Variants in CTNNA2 observed in about 807,000 individuals in gnomAD.
CTNNA2 encodes the protein catenin alpha-2.
In CTNNA2, 42 loss-of-function variants were observed where a neutral mutation model predicts 101.0. That is an observed-to-expected ratio of 0.42 (90% CI 0.32 to 0.54). The LOEUF (loss-of-function observed/expected upper bound fraction) is 0.54. Ranked by LOEUF, CTNNA2 falls within the 20% of genes least tolerant of loss-of-function variation. The probability of loss-of-function intolerance (pLI) is 0.14; values close to 1 mark genes in which losing one functional copy is unlikely to be tolerated. For missense variants in CTNNA2, 871 were observed against 1,223.1 expected (o/e 0.71, Z 4.29); for synonymous variants, 450 against 456.4 (o/e 0.99, Z 0.18).
intron 8 of CTNNA2, among the ~76,000 whole-genome samples, 165 bp from the exon 9 acceptor site, chr2:80,419,284 G>A (rs1306487968): frequency 1.3e-5 from 2 of 152,082 alleles, no homozygotes; most frequent in African/African-American, 4.8e-5. Context: ...GCTTCCATCA[G>A]TCATTGGTTT....
chr2:80,097,796 A>T (rs1258998049), intron 7 of CTNNA2, among the ~76,000 whole-genome samples: 1 of 152,104 alleles, frequency 6.6e-6, no homozygotes, highest in East Asian at 1.9e-4. Context: ...AGTTGATCGC[A>T]TTGCCTACTG....
intron 2 of CTNNA2, among the ~76,000 whole-genome samples, chr2:79,735,197 C>G (rs1186439647): frequency 1.3e-5 from 2 of 152,244 alleles, no homozygotes; most frequent in East Asian, 1.9e-4. Context: ...TGGAGCTTAT[C>G]TGTGCTGCTA....
intron 3 of CTNNA2, among the ~76,000 whole-genome samples, chr2:79,823,017 C>A (rs1040578645): frequency 2.0e-5 from 3 of 152,138 alleles, no homozygotes; most frequent in Admixed American, 1.3e-4. Flanking sequence ...TTTTTCTCTT[C>A]ATCTTTTAGA....
At chr2:79,717,555 G>A (rs1224489971) in intron 2 of CTNNA2, among the ~76,000 whole-genome samples, 1 of 152,244 alleles carries the variant, frequency 6.6e-6, no homozygotes, top group East Asian at 1.9e-4. Context: ...GCTGGAGCTT[G>A]ACCCGATCAT....
intron 1 of CTNNA2, among the ~76,000 whole-genome samples, chr2:79,594,096 C>A (rs1404092700): frequency 6.6e-6 from 1 of 151,966 alleles, no homozygotes; most frequent in Non-Finnish European, 1.5e-5. Context: ...ACCATGTTGG[C>A]CAGGCTGGTC....
intron 7 of CTNNA2, among the ~76,000 whole-genome samples, chr2:79,971,792 G>T (rs1690503181): frequency 6.6e-6 from 1 of 152,128 alleles, no homozygotes; most frequent in Non-Finnish European, 1.5e-5. Flanking sequence ...TCCTAAGTCT[G>T]CCCCTGAGTT....
At chr2:80,442,011 G>A (rs1040576983) in intron 9 of CTNNA2, among the ~76,000 whole-genome samples, 1 of 152,234 alleles carries the variant, frequency 6.6e-6, no homozygotes, top group African/African-American at 2.4e-5. Context: ...TTCTGCACTT[G>A]CAGAGGACTG....
At chr2:79,211,966 T>C (rs1674180389) in intron 2 of CTNNA2, among the ~76,000 whole-genome samples, 1 of 152,094 alleles carries the variant, frequency 6.6e-6, no homozygotes, top group Non-Finnish European at 1.5e-5. Context: ...TGTGGGACTG[T>C]TAGAAGAAAC....
At chr2:79,361,408 G>T (rs1677626680) in intron 3 of CTNNA2, among the ~76,000 whole-genome samples, 2 of 152,194 alleles carry the variant, frequency 1.3e-5, no homozygotes, top group South Asian at 4.1e-4. Context: ...GAGATGAATG[G>T]GAAATATAAA....
intron 14 of CTNNA2, among the ~76,000 whole-genome samples, chr2:80,582,910 G>C (rs537554571): frequency 4.3e-4 from 66 of 152,078 alleles, no homozygotes; most frequent in Non-Finnish European, 7.8e-4. Flanking sequence ...AGTCAAGAAA[G>C]ACTTTGTGTC....
At chr2:79,413,259 T>G (rs116271395) in intron 4 of CTNNA2, among the ~76,000 whole-genome samples, 5,524 of 152,170 alleles carry the variant, frequency 0.036, 134 homozygotes, top group Non-Finnish European at 0.054. Flanking sequence ...CTCTCTACTT[T>G]TATGAGTTTG....
intron 2 of CTNNA2, among the ~76,000 whole-genome samples, chr2:79,689,939 T>A (rs1301372421): frequency 6.6e-6 from 1 of 151,754 alleles, no homozygotes; most frequent in African/African-American, 2.4e-5. Context: ...ATGATGAAAA[T>A]CCAGAAAAAA....
chr2:79,242,220 CT>C (rs1415778680), intron 2 of CTNNA2, among the ~76,000 whole-genome samples: 3 of 152,054 alleles, frequency 2.0e-5, no homozygotes, highest in African/African-American at 7.2e-5. Flanking sequence ...TGGGTAATTT[CT>C]TTTAACATTT....
chr2:80,075,006 C>G (rs1270997939), intron 7 of CTNNA2, among the ~76,000 whole-genome samples: 1 of 152,048 alleles, frequency 6.6e-6, no homozygotes, highest in Non-Finnish European at 1.5e-5. Context: ...GACCTTGATT[C>G]GTTTCTATTA....
At chr2:79,704,687 G>C (rs914844416) in intron 2 of CTNNA2, among the ~76,000 whole-genome samples, 2 of 151,688 alleles carry the variant, frequency 1.3e-5, no homozygotes, top group African/African-American at 4.8e-5. Context: ...TAATTTTTTT[G>C]TATTTTTAGT....
At chr2:79,679,617 G>A (rs1466765085) in intron 2 of CTNNA2, among the ~76,000 whole-genome samples, 3 of 151,954 alleles carry the variant, frequency 2.0e-5, no homozygotes, top group African/African-American at 4.8e-5. Flanking sequence ...CTGTTCCATG[G>A]CAGCTGACAC....
chr2:79,716,952 A>G (rs1441412049), intron 2 of CTNNA2, among the ~76,000 whole-genome samples: 1 of 152,166 alleles, frequency 6.6e-6, no homozygotes, highest in Non-Finnish European at 1.5e-5. Context: ...TGGAAGGAAA[A>G]AAGGTGCTGA....
chr2:79,854,328 C>T (rs1680964625), intron 3 of CTNNA2, among the ~76,000 whole-genome samples: 1 of 152,204 alleles, frequency 6.6e-6, no homozygotes, highest in South Asian at 2.1e-4. Context: ...GAATAATGAT[C>T]ACCCGTTATG....
chr2:80,189,474 G>A (rs1046275445), intron 7 of CTNNA2, among the ~76,000 whole-genome samples: 3 of 152,082 alleles, frequency 2.0e-5, no homozygotes, highest in Non-Finnish European at 4.4e-5. Context: ...ATTCTTCCCT[G>A]CAGCATGGGA....
Sources: allele counts gnomAD v4.1 joint callset (sites outside exome capture counted in the v4.1 genomes callset), GRCh38; gene constraint gnomAD v4.1.1; transcripts MANE v1.5; gene names NCBI Gene and HGNC (gene_info 2026-07-23, HGNC 2026-07-21).